NPAS3: variants seen among roughly 807,000 people sequenced by gnomAD.
NPAS3 encodes neuronal PAS domain-containing protein 3.
Under a neutral mutation model 73.1 loss-of-function variants are expected in NPAS3, and 14 were observed. That is an observed-to-expected ratio of 0.19 (90% CI 0.13 to 0.30). NPAS3 has a LOEUF of 0.30. Ranked by LOEUF, NPAS3 falls within the 10% of genes least tolerant of loss-of-function variation. The pLI is 1.00. For synonymous variants in NPAS3, 620 were observed against 541.5 expected (o/e 1.14, Z -2.01); for missense variants, 1,096 against 1,250.0 (o/e 0.88, Z 1.86).
chr14:33,723,683 T>A, intron 6 of NPAS3, among the ~76,000 whole-genome samples: 1 of 149,032 alleles, frequency 6.7e-6, no homozygotes, highest in African/African-American at 2.5e-5. Context: ...CCACACCATT[T>A]CCCTAGGATC....
At chr14:33,676,340 GCCAGCTCAGCATCTTCCT>G (rs767461611) in exon 6 of NPAS3, 2 of 1,602,604 alleles carry the variant, frequency 1.2e-6, no homozygotes, top group Non-Finnish European at 1.7e-6. Context: ...TGAGGACGGA[GCCAGCTCAGCATCTTCCT>G]CCTCTCAGTC....
chr14:33,723,655 C>G (rs895767649), intron 6 of NPAS3, among the ~76,000 whole-genome samples: 3 of 151,626 alleles, frequency 2.0e-5, no homozygotes, highest in Non-Finnish European at 2.9e-5. Context: ...TCACCATGCA[C>G]TGCTTCTGCT....
intron 1 of NPAS3, among the ~76,000 whole-genome samples, chr14:33,036,193 C>G (rs1022721136): frequency 6.6e-6 from 1 of 152,072 alleles, no homozygotes; most frequent in Non-Finnish European, 1.5e-5. Context: ...CTGGTGGGTA[C>G]TGTAATCCTT....
intron 3 of NPAS3, among the ~76,000 whole-genome samples, chr14:33,314,475 T>C (rs1206913942): frequency 6.6e-6 from 1 of 151,954 alleles, no homozygotes; most frequent in Admixed American, 6.6e-5. Flanking sequence ...GAATTAGAGA[T>C]AACATATATG....
At chr14:33,336,119 G>T (rs2044215104) in intron 3 of NPAS3, among the ~76,000 whole-genome samples, 1 of 152,150 alleles carries the variant, frequency 6.6e-6, no homozygotes, top group Admixed American at 6.6e-5. Context: ...TATTTCATGT[G>T]TACTGTTATC....
intron 3 of NPAS3, among the ~76,000 whole-genome samples, chr14:33,326,521 A>T (rs1367682887): frequency 6.6e-6 from 1 of 152,198 alleles, no homozygotes; most frequent in Non-Finnish European, 1.5e-5. Flanking sequence ...TTTACTTTTT[A>T]AATCTCCCAA....
chr14:33,184,302 T>C (rs12892863), intron 2 of NPAS3, among the ~76,000 whole-genome samples: 13,013 of 152,102 alleles, frequency 0.086, 770 homozygotes, highest in Non-Finnish European at 0.13. Flanking sequence ...AGGGAGATGA[T>C]GCTAGCAGGA....
At chr14:33,231,984 G>C (rs2047869481) in intron 3 of NPAS3, among the ~76,000 whole-genome samples, 1 of 152,116 alleles carries the variant, frequency 6.6e-6, no homozygotes, top group African/African-American at 2.4e-5. Context: ...AATTCATGTA[G>C]ATAGTCCTAT....
At chr14:33,697,045 GTCTT>G in intron 6 of NPAS3, among the ~76,000 whole-genome samples, 1 of 152,276 alleles carries the variant, frequency 6.6e-6, no homozygotes, top group Admixed American at 6.5e-5. Context: ...AGAAAGCCTG[GTCTT>G]TCTTCTACTT....
chr14:33,107,455 T>C (rs2042757902), intron 2 of NPAS3, among the ~76,000 whole-genome samples: 1 of 152,178 alleles, frequency 6.6e-6, no homozygotes, highest in Non-Finnish European at 1.5e-5. Context: ...CCCATCTTTA[T>C]GTCCACGTAT....
At chr14:33,249,041 A>T (rs2048485670) in intron 3 of NPAS3, among the ~76,000 whole-genome samples, 1 of 152,158 alleles carries the variant, frequency 6.6e-6, no homozygotes, top group Admixed American at 6.5e-5. Flanking sequence ...AATTGACCCT[A>T]CTAGCTTGCA....
chr14:33,184,294 G>A (rs61972680), intron 2 of NPAS3, among the ~76,000 whole-genome samples: 19,171 of 152,186 alleles, frequency 0.13, 1,622 homozygotes, highest in Non-Finnish European at 0.2. Flanking sequence ...AGCGGCAGAG[G>A]GAGATGATGC....
At chr14:33,126,817 C>T (rs2043445328) in intron 2 of NPAS3, among the ~76,000 whole-genome samples, 1 of 152,136 alleles carries the variant, frequency 6.6e-6, no homozygotes, top group South Asian at 2.1e-4. Context: ...GAGATTTGTT[C>T]CCAACCTCAG....
chr14:33,193,373 A>G (rs892795188), intron 2 of NPAS3, among the ~76,000 whole-genome samples: 2 of 152,182 alleles, frequency 1.3e-5, no homozygotes, highest in Non-Finnish European at 2.9e-5. Flanking sequence ...TGAAGTGATT[A>G]TCTTAGAAAG....
chr14:33,334,725 G>A (rs1349283483), intron 3 of NPAS3, among the ~76,000 whole-genome samples: 3 of 152,034 alleles, frequency 2.0e-5, no homozygotes, highest in East Asian at 1.9e-4. Context: ...AGAATTTTGG[G>A]GAACCAGTTG....
chr14:33,068,502 T>C (rs776905539), intron 2 of NPAS3, among the ~76,000 whole-genome samples: 2 of 152,298 alleles, frequency 1.3e-5, no homozygotes, highest in East Asian at 3.9e-4. Flanking sequence ...TATATATCAG[T>C]GGACAAAGGC....
At chr14:33,160,071 T>G (rs1276449233) in intron 2 of NPAS3, among the ~76,000 whole-genome samples, 2 of 152,204 alleles carry the variant, frequency 1.3e-5, no homozygotes, top group African/African-American at 2.4e-5. Flanking sequence ...TAACTCACAT[T>G]ATGACAAATT....
At chr14:33,350,560 G>A (rs1289396776) in intron 3 of NPAS3, among the ~76,000 whole-genome samples, 2 of 152,170 alleles carry the variant, frequency 1.3e-5, no homozygotes, top group Non-Finnish European at 2.9e-5. Flanking sequence ...GTTCAAGAAG[G>A]GATCACGCCT....
intron 1 of NPAS3, among the ~76,000 whole-genome samples, chr14:33,047,512 T>C (rs17099991): frequency 0.2 from 30,759 of 152,134 alleles, 3,373 homozygotes; most frequent in East Asian, 0.36. Context: ...TAATGAGCCT[T>C]GGACACATGT....
Sources: allele counts gnomAD v4.1 joint callset (sites outside exome capture counted in the v4.1 genomes callset), GRCh38; gene constraint gnomAD v4.1.1; transcripts MANE v1.5; gene names NCBI Gene and HGNC (gene_info 2026-07-23, HGNC 2026-07-21).